The following KALRN variants were observed in gnomAD, a reference collection of about 807,000 sequenced individuals.
The protein encoded by KALRN is kalirin.
KALRN carries 70 observed loss-of-function variants against 353.7 expected under a neutral mutation model. The ratio of observed to expected loss-of-function variants is 0.20; its 90% CI spans 0.16 to 0.24. The LOEUF (loss-of-function observed/expected upper bound fraction) is 0.24, where lower values mean the gene tolerates loss of function less well. Ranked by LOEUF, KALRN falls within the 10% of genes least tolerant of loss-of-function variation. KALRN has a pLI of 1.00. For synonymous variants in KALRN, 1,391 were observed against 1,434.8 expected, an observed-to-expected ratio of 0.97 and a Z score of 0.69; for missense variants, 2,791 against 3,756.7, an observed-to-expected ratio of 0.74 and a Z score of 6.72.
At chr3:124,599,178 C>T (rs917149553) in intron 34 of KALRN, among the ~76,000 whole-genome samples, 2 of 152,112 alleles carry the variant, frequency 1.3e-5, no homozygotes, top group East Asian at 1.9e-4. Flanking sequence ...AAAGTATTTC[C>T]GAAAGGTTTT....
intron 13 of KALRN, among the ~76,000 whole-genome samples, chr3:124,403,405 G>T (rs1422991466): frequency 6.6e-6 from 1 of 152,152 alleles, no homozygotes; most frequent in Non-Finnish European, 1.5e-5. Flanking sequence ...CACTAAGAAG[G>T]ATATTCTAGA....
chr3:124,614,901 G>C (rs974835528), intron 34 of KALRN, among the ~76,000 whole-genome samples: 8 of 152,200 alleles, frequency 5.3e-5, no homozygotes, highest in African/African-American at 1.9e-4. Context: ...TGTTCAGTCT[G>C]TCTTCAATGG....
chr3:124,616,209 C>T (rs944498975), intron 34 of KALRN, among the ~76,000 whole-genome samples: 1 of 152,168 alleles, frequency 6.6e-6, no homozygotes, highest in African/African-American at 2.4e-5. Context: ...CACTTAATTA[C>T]AGTCTTAAAC....
intron 2 of KALRN, among the ~76,000 whole-genome samples, 178 bp downstream of exon 2, chr3:124,228,242 C>T (rs79229336): frequency 6.6e-6 from 1 of 152,170 alleles, no homozygotes; most frequent in African/African-American, 2.4e-5. Context: ...GCTCTGGCCC[C>T]AGCTGAGTGT....
Position 124,033,389 on chromosome 3 carries a change from C to A in KALRN, c.-352C>A, listed in dbSNP as rs1449453111. 2.6e-5 allele frequency among the ~76,000 whole-genome samples: 4 copies of A among 151,828 alleles called. No individual in the cohort carries two copies. Among genetic ancestry groups the A allele is most frequent in the Non-Finnish European group, 2.9e-5 (2 of 67,884 alleles). The stretch of plus-strand genomic sequence containing the variant: ...TGAACAATAGAGACAGGCAGACGGG[C>A]GAGCAGGAGAGCCAGCTGCCGCTGC... On this transcript the variant is annotated 5_prime_UTR_variant, in exon 1 of 60. Transcript: ENST00000682506. The surrounding 1 kb of genome is among the most constrained non-coding windows in gnomAD (Gnocchi z 6.2).
chr3:124,668,295 A>G (rs936793321), intron 47 of KALRN, among the ~76,000 whole-genome samples: 2 of 152,220 alleles, frequency 1.3e-5, no homozygotes, highest in African/African-American at 4.8e-5. Flanking sequence ...GATGTCTAGA[A>G]TGGAACTGAA....
At chr3:124,634,398 A>G (rs895750638) in intron 36 of KALRN, among the ~76,000 whole-genome samples, 2 of 152,226 alleles carry the variant, frequency 1.3e-5, no homozygotes, top group Non-Finnish European at 2.9e-5. Flanking sequence ...AAATTTTGCA[A>G]TGACGGTATG....
Position 124,666,435 on chromosome 3 carries a change from C to T in KALRN, c.6346-14C>T, listed in dbSNP as rs779513156. 19 of 1,612,970 alleles carry T rather than the reference C, an allele frequency of 1.2e-5. No homozygotes were observed. Among genetic ancestry groups the T allele is most frequent in the South Asian group, 6.6e-5 (6 of 91,006 alleles). On this transcript the variant is annotated splice_polypyrimidine_tract_variant and intron_variant, in intron 45 of 59. Coordinates refer to ENST00000682506, the MANE Select transcript of KALRN (RefSeq NM_001388419.1). ...ATTTTTCATTCACTTCACCCCAGCC[C>T]GTCTTTCCTTCAGGGCACTCTGACT...
At chr3:124,098,483 C>A (rs1036119794) in intron 1 of KALRN, among the ~76,000 whole-genome samples, 5 of 152,210 alleles carry the variant, frequency 3.3e-5, no homozygotes, top group Non-Finnish European at 5.9e-5. Context: ...TGTCTCCAGC[C>A]TCCCTGGCCC....
intron 1 of KALRN, among the ~76,000 whole-genome samples, chr3:124,127,269 A>G (rs1368772243): frequency 1.3e-5 from 2 of 152,360 alleles, no homozygotes; most frequent in South Asian, 2.1e-4. Flanking sequence ...CTACCAGTTT[A>G]GGAAGGCTCC....
At chr3:124,459,200 A>T (rs1475525428) in intron 23 of KALRN, among the ~76,000 whole-genome samples, 2 of 152,132 alleles carry the variant, frequency 1.3e-5, no homozygotes, top group African/African-American at 4.8e-5. Context: ...GGTGCTTGGA[A>T]ATTGGTCCAG....
At chr3:124,508,858 G>A (rs1173648236) in intron 33 of KALRN, among the ~76,000 whole-genome samples, 5 of 152,166 alleles carry the variant, frequency 3.3e-5, no homozygotes, top group Admixed American at 2.6e-4. Context: ...TCTGGTGGAT[G>A]TGTATTGATA....
intron 51 of KALRN, among the ~76,000 whole-genome samples, chr3:124,679,914 G>A (rs528842688): frequency 2.0e-5 from 3 of 152,070 alleles, no homozygotes; most frequent in Non-Finnish European, 2.9e-5. Flanking sequence ...AGTTTCTCCC[G>A]CTTTTGTTTT....
chr3:124,402,791 C>T (rs1337004865), intron 13 of KALRN, among the ~76,000 whole-genome samples: 2 of 152,110 alleles, frequency 1.3e-5, no homozygotes, highest in African/African-American at 4.8e-5. Context: ...TTGTGGGTTC[C>T]ATATTTCAAA....
In KALRN at chr3:124,666,462, C is replaced by T; in HGVS notation, c.6359C>T (p.Ala2120Val). The part of the protein sequence containing the change: ...RLQGFEGTLT[A>V]QGKLLQQDTF... ...TCTTTCCTTCAGGGCACTCTGACTG[C>T]TCAGGGGAAGCTGCTGCAGCAGGAC... The change falls in exon 46 of 60, where the codon GCT becomes GTT. Residue 2120 changes from alanine (A) to valine (V), a missense_variant. Around this residue, in one of 11 missense-constraint regions of KALRN, gnomAD observed 1,065 missense variants for 1,156.4 expected, o/e 0.92. Coordinates refer to ENST00000682506, the MANE Select transcript of KALRN (RefSeq NM_001388419.1). 6.2e-7 allele frequency: 1 copy of T among 1,613,970 alleles called. No homozygotes were observed. Among genetic ancestry groups the T allele is most frequent in the Admixed American group, 1.7e-5 (1 of 60,020 alleles).
At chr3:124,428,690 C>A (rs1351946846) in intron 15 of KALRN, among the ~76,000 whole-genome samples, 1 of 152,114 alleles carries the variant, frequency 6.6e-6, no homozygotes, top group Non-Finnish European at 1.5e-5. Flanking sequence ...TTTTAAACAG[C>A]ATTTAGTAAA....
At chr3:124,253,011 A>G (rs77931151) in intron 3 of KALRN, among the ~76,000 whole-genome samples, 2,711 of 152,340 alleles carry the variant, frequency 0.018, 42 homozygotes, top group Middle Eastern at 0.037. Context: ...GATTATACCA[A>G]TTAGAGAACT....
chr3:124,594,579 T>C (rs1207831680), intron 34 of KALRN, among the ~76,000 whole-genome samples: 1 of 152,230 alleles, frequency 6.6e-6, no homozygotes, highest in African/African-American at 2.4e-5. Flanking sequence ...AGACTTAAAC[T>C]TGACAACTAT....
At chr3:124,508,414 A>G (rs1442387725) in intron 33 of KALRN, among the ~76,000 whole-genome samples, 1 of 152,176 alleles carries the variant, frequency 6.6e-6, no homozygotes, top group Non-Finnish European at 1.5e-5. Flanking sequence ...TTTTTATATG[A>G]CTAGAATCAT....
Sources: gnomAD v4.1 joint callset for allele counts (sites outside exome capture counted in the v4.1 genomes callset) on GRCh38, gnomAD v4.1.1 for gene constraint, gnomAD v4.1.1 regional missense constraint, Gnocchi (gnomAD v3.1) non-coding constraint, MANE v1.5 for transcripts, NCBI Gene and HGNC (gene_info 2026-07-23, HGNC 2026-07-21) for gene names.